Variants in PHF20L1 observed in about 807,000 individuals in gnomAD.
PHF20L1 encodes the protein PHD finger protein 20-like protein 1.
In PHF20L1, 44 loss-of-function variants were observed where a neutral mutation model predicts 125.5. The ratio of observed to expected loss-of-function variants is 0.35; its 90% confidence interval spans 0.28 to 0.45. The LOEUF (loss-of-function observed/expected upper bound fraction) is 0.45, where lower values mean the gene tolerates loss of function less well. Ranked by LOEUF, PHF20L1 falls within the 20% of genes least tolerant of loss-of-function variation. The pLI is 1.00. For missense variants in PHF20L1, 1,012 were observed against 1,217.2 expected (o/e 0.83, Z 2.51); for synonymous variants, 380 against 403.1 (o/e 0.94, Z 0.69).
intron 2 of PHF20L1, among the ~76,000 whole-genome samples, chr8:132,790,266 G>A (rs1831527931): frequency 6.6e-6 from 1 of 152,156 alleles, no homozygotes. Flanking sequence ...GTGTTCAGCA[G>A]CGTTTTTTCT....
At chr8:132,820,811 G>A (rs1343468770) in intron 12 of PHF20L1, among the ~76,000 whole-genome samples, 2 of 151,974 alleles carry the variant, frequency 1.3e-5, no homozygotes, top group Non-Finnish European at 2.9e-5. Context: ...AATTAAGATA[G>A]CCTTAGAGAT....
intron 14 of PHF20L1, among the ~76,000 whole-genome samples, chr8:132,831,222 T>TTA (rs1836741642): frequency 6.6e-6 from 1 of 151,510 alleles, no homozygotes; most frequent in African/African-American, 2.4e-5. Context: ...TAAAACTTTT[T>TTA]AAAAAAAGCT....
At chr8:132,834,833 A>G (rs1447134305) in intron 15 of PHF20L1, among the ~76,000 whole-genome samples, 1 of 151,970 alleles carries the variant, frequency 6.6e-6, no homozygotes, top group East Asian at 1.9e-4. Context: ...TACTAGCTCC[A>G]TGAATATTTT....
chr8:132,804,676 CAA>C lies in PHF20L1; in HGVS notation c.784_785del (p.Lys262GlufsTer4). Reference sequence around the variant, plus strand: ...CACAGCCAGAGAGCACATTATCAAACAAGAGGAAAAATAATCAAGGCAACTCG... The same window carrying C: ...CACAGCCAGAGAGCACATTATCAAACGAGGAAAAATAATCAAGGCAACTCG... ...FPQPESTLSN[K>X]RKNNQGNSFQ... is the part of the protein sequence containing the mutation. On this transcript the variant is annotated frameshift_variant, in exon 8 of 21. Transcript: ENST00000395386. LOFTEE classifies it high-confidence loss of function. The C allele has an allele frequency of 6.2e-7, 1 of 1,608,624 alleles. No homozygotes were observed. Among genetic ancestry groups the C allele is most frequent in the Non-Finnish European group, 8.5e-7 (1 of 1,176,292 alleles).
chr8:132,782,510 T>C (rs1830539065), intron 2 of PHF20L1, among the ~76,000 whole-genome samples: 1 of 152,190 alleles, frequency 6.6e-6, no homozygotes, highest in Non-Finnish European at 1.5e-5. Flanking sequence ...AAGGTAGCTT[T>C]AGTTGACAGG....
At chr8:132,824,563 A>G (rs1333201140) in intron 13 of PHF20L1, 1 of 157,210 alleles carries the variant, frequency 6.4e-6, no homozygotes, top group African/African-American at 2.4e-5. Context: ...TTGGTCAAAT[A>G]TGTTGGATAA....
At chr8:132,817,804 A>C (rs1835144288) in intron 12 of PHF20L1, 1 of 338,200 alleles carries the variant, frequency 3.0e-6, no homozygotes, top group South Asian at 5.5e-5. Context: ...CTTCTTTTTT[A>C]TATATCCTTA....
intron 8 of PHF20L1, chr8:132,807,284 A>G (rs235430): frequency 0.27 from 44,150 of 165,702 alleles, 7,160 homozygotes; most frequent in South Asian, 0.45. Context: ...TATATGGCTT[A>G]TGCATACTGA....
chr8:132,788,781 A>G (rs1325183051), intron 2 of PHF20L1: 5 of 152,062 alleles, frequency 3.3e-5, no homozygotes, highest in Admixed American at 6.6e-5. Flanking sequence ...CATGCCCACC[A>G]TTGCTTCCCT....
chr8:132,837,578 T>C (rs1364465445), intron 16 of PHF20L1, 134 bp from the exon 17 acceptor site: 7 of 623,890 alleles, frequency 1.1e-5, no homozygotes, highest in Non-Finnish European at 2.0e-5. Flanking sequence ...GATTTTGTTG[T>C]GTCAAATAAG....
At chr8:132,823,102 A>G (rs1257748938) in intron 12 of PHF20L1, among the ~76,000 whole-genome samples, 1 of 151,966 alleles carries the variant, frequency 6.6e-6, no homozygotes. Context: ...AATAATACCT[A>G]TGTTTTATTG....
intron 7 of PHF20L1, 184 bp from the exon 8 acceptor site, chr8:132,804,431 C>T: frequency 4.4e-6 from 2 of 453,376 alleles, no homozygotes; most frequent in African/African-American, 2.0e-5. Context: ...AGAATAACTG[C>T]TTTAGTAGTC....
intron 19 of PHF20L1, 26 bp downstream of exon 19, chr8:132,842,901 T>A (rs377461104): frequency 6.4e-6 from 10 of 1,570,758 alleles, no homozygotes; most frequent in Admixed American, 1.9e-5. Context: ...TTTTCTTTGC[T>A]TGGAAACTAT....
intron 18 of PHF20L1, 47 bp downstream of exon 18, chr8:132,839,629 T>G: frequency 7.3e-7 from 1 of 1,363,846 alleles, no homozygotes; most frequent in Non-Finnish European, 1.0e-6. Context: ...GTGGACGTTT[T>G]AATTCAAACC....
chr8:132,784,151 A>G (rs1265444222), intron 2 of PHF20L1, among the ~76,000 whole-genome samples: 5 of 152,308 alleles, frequency 3.3e-5, no homozygotes, highest in Admixed American at 3.3e-4. Context: ...TTAGGGACAG[A>G]GAAGACTTAT....
chr8:132,778,777 C>T (rs1470538523), intron 2 of PHF20L1, among the ~76,000 whole-genome samples: 1 of 152,200 alleles, frequency 6.6e-6, no homozygotes, highest in Non-Finnish European at 1.5e-5. Context: ...TTTGCAGGCT[C>T]CTAACCTGAG....
chr8:132,807,407 G>GA (rs1218201745), intron 8 of PHF20L1: 1 of 162,904 alleles, frequency 6.1e-6, no homozygotes, highest in African/African-American at 2.4e-5. Context: ...GGGAATAAAG[G>GA]AAAAAAACAT....
At chr8:132,799,256 A>C in intron 6 of PHF20L1, 84 bp downstream of exon 6, 1 of 725,534 alleles carries the variant, frequency 1.4e-6, no homozygotes, top group Non-Finnish European at 2.3e-6. Flanking sequence ...TTAATATAAA[A>C]ATTTACATTG....
At chr8:132,822,045 G>T (rs141643372) in intron 12 of PHF20L1, among the ~76,000 whole-genome samples, 1 of 151,978 alleles carries the variant, frequency 6.6e-6, no homozygotes, top group African/African-American at 2.4e-5. Context: ...TTAAAGTCCT[G>T]CCGTTGCATA....
Sources: gnomAD v4.1 joint callset for allele counts (sites outside exome capture counted in the v4.1 genomes callset) on GRCh38, gnomAD v4.1.1 for gene constraint, MANE v1.5 for transcripts, NCBI Gene and HGNC (gene_info 2026-07-23, HGNC 2026-07-21) for gene names.